Variants in CCSER1 observed in about 807,000 individuals in gnomAD.
CCSER1 encodes the protein serine-rich coiled-coil domain-containing protein 1.
In CCSER1, 41 loss-of-function variants were observed where a neutral mutation model predicts 82.0. That is an observed-to-expected ratio of 0.50 (90% CI 0.39 to 0.65). The LOEUF is 0.65. Among genes scored for constraint, CCSER1 ranks in the 30% least tolerant of loss-of-function variants. The pLI is 0.00. For missense variants in CCSER1, 1,119 were observed against 1,064.2 expected (o/e 1.05, Z -0.72); for synonymous variants, 414 against 383.9 (o/e 1.08, Z -0.92).
intron 4 of CCSER1, among the ~76,000 whole-genome samples, chr4:90,453,661 G>A (rs979702048): frequency 1.1e-4 from 16 of 152,168 alleles, no homozygotes; most frequent in Admixed American, 9.2e-4. Flanking sequence ...TCCCATGTGA[G>A]CCAAAATATC....
At chr4:90,167,815 T>C (rs1730792065) in intron 1 of CCSER1, among the ~76,000 whole-genome samples, 1 of 152,126 alleles carries the variant, frequency 6.6e-6, no homozygotes, top group Non-Finnish European at 1.5e-5. Flanking sequence ...CATCCTTTTT[T>C]ATGGCTGCAT....
chr4:91,315,414 T>C (rs1160158530), intron 10 of CCSER1, among the ~76,000 whole-genome samples: 1 of 151,986 alleles, frequency 6.6e-6, no homozygotes, highest in Non-Finnish European at 1.5e-5. Context: ...ATATTTCCAC[T>C]GCCAAACCCA....
At chr4:90,780,507 C>T (rs1753625479) in intron 7 of CCSER1, 1 of 1,610,264 alleles carries the variant, frequency 6.2e-7, no homozygotes, top group Admixed American at 1.7e-5. Flanking sequence ...TTCAGGAGGC[C>T]TAGATGATCC....
At chr4:91,316,272 A>G (rs1745830779) in intron 10 of CCSER1, among the ~76,000 whole-genome samples, 1 of 151,990 alleles carries the variant, frequency 6.6e-6, no homozygotes, top group Non-Finnish European at 1.5e-5. Context: ...TTTTAGGTTT[A>G]TGAGGGTCAT....
intron 9 of CCSER1, among the ~76,000 whole-genome samples, chr4:90,999,095 G>C (rs1737769084): frequency 6.6e-6 from 1 of 152,124 alleles, no homozygotes; most frequent in African/African-American, 2.4e-5. Flanking sequence ...GTATTCCATG[G>C]TGTATATGTA....
chr4:90,276,235 TTTCTTTCTTTCTTTCTTTCC>T (rs1727604224), intron 1 of CCSER1, among the ~76,000 whole-genome samples: 6 of 109,150 alleles, frequency 5.5e-5, no homozygotes, highest in South Asian at 3.6e-4. Context: ...TCTTTCTTTC[TTTCTTTCTTTCTTTCTTTCC>T]TTCCTTCCTT....
chr4:91,088,000 T>C (rs1042239427), intron 10 of CCSER1, among the ~76,000 whole-genome samples: 9 of 152,154 alleles, frequency 5.9e-5, no homozygotes, highest in African/African-American at 1.9e-4. Context: ...ACAATTACTA[T>C]GTTAAGGACC....
intron 10 of CCSER1, among the ~76,000 whole-genome samples, chr4:91,490,714 A>G (rs1482346173): frequency 6.7e-6 from 1 of 149,994 alleles, no homozygotes; most frequent in East Asian, 2.0e-4. Context: ...GTGTGACTAC[A>G]GTTAACAGTA....
intron 10 of CCSER1, among the ~76,000 whole-genome samples, chr4:91,095,773 C>G (rs1006922865): frequency 2.6e-5 from 4 of 152,080 alleles, no homozygotes; most frequent in African/African-American, 9.7e-5. Flanking sequence ...TTCAGCCCTT[C>G]AATTAATGCC....
chr4:91,136,588 T>A (rs1239678006), intron 10 of CCSER1, among the ~76,000 whole-genome samples: 2 of 152,132 alleles, frequency 1.3e-5, no homozygotes, highest in Non-Finnish European at 2.9e-5. Context: ...TTGGGAGAAT[T>A]CTTTGTGTTT....
intron 5 of CCSER1, among the ~76,000 whole-genome samples, chr4:90,592,619 T>C (rs1476526169): frequency 6.6e-6 from 1 of 152,150 alleles, no homozygotes; most frequent in Non-Finnish European, 1.5e-5. Context: ...ACAGCCTACT[T>C]CTTTCTCTAT....
rs1252010631 is a variant in CCSER1 at position 91,148,280 on chromosome 4, T to G, written c.2217+62286T>G. Reference sequence around the variant, plus strand: ...ATTGTTCTAAATTACTCTCTTCAATTGAGACTCATTTATTCATTGAACAAA... The same window carrying G: ...ATTGTTCTAAATTACTCTCTTCAATGGAGACTCATTTATTCATTGAACAAA... On this transcript the variant is annotated intron_variant, in intron 10 of 10. Transcript: ENST00000509176. 1.3e-5 allele frequency among the ~76,000 whole-genome samples: 2 copies of G among 152,134 alleles called. 1 individual carries two copies. The highest frequency in any genetic ancestry group is 4.1e-4 in the South Asian group (2 of 4,828).
chr4:90,210,112 C>G (rs1739676832), intron 1 of CCSER1, among the ~76,000 whole-genome samples: 4 of 152,144 alleles, frequency 2.6e-5, no homozygotes, highest in Admixed American at 1.3e-4. Flanking sequence ...TGCACTCTTT[C>G]AATGGCCCAA....
chr4:90,875,477 G>A (rs1169184833), intron 8 of CCSER1, among the ~76,000 whole-genome samples: 1 of 152,078 alleles, frequency 6.6e-6, no homozygotes, highest in Non-Finnish European at 1.5e-5. Flanking sequence ...TGATGTTGAA[G>A]TCTATTCATT....
intron 5 of CCSER1, among the ~76,000 whole-genome samples, chr4:90,527,792 A>T (rs748308027): frequency 7.3e-4 from 111 of 152,134 alleles, no homozygotes; most frequent in Non-Finnish European, 9.0e-4. Flanking sequence ...ATGAATTTTA[A>T]ATTTTGTAGC....
At chr4:90,532,784 A>G (rs187081818) in intron 5 of CCSER1, among the ~76,000 whole-genome samples, 28 of 152,240 alleles carry the variant, frequency 1.8e-4, no homozygotes, top group South Asian at 1.2e-3. Context: ...TTGTAGCTTT[A>G]TATCTCTAGA....
chr4:91,047,574 G>C (rs772173124), intron 9 of CCSER1, among the ~76,000 whole-genome samples: 2 of 152,076 alleles, frequency 1.3e-5, no homozygotes, highest in Admixed American at 1.3e-4. Context: ...GCAATTCTTG[G>C]CTCTGGTTTT....
At chr4:91,019,713 A>G (rs918404989) in intron 9 of CCSER1, among the ~76,000 whole-genome samples, 23 of 152,194 alleles carry the variant, frequency 1.5e-4, no homozygotes, top group African/African-American at 5.3e-4. Context: ...GGCATATTAC[A>G]TGGACTTTAG....
chr4:90,409,928 G>A (rs1472066098), intron 4 of CCSER1, among the ~76,000 whole-genome samples: 1 of 152,108 alleles, frequency 6.6e-6, no homozygotes, highest in Non-Finnish European at 1.5e-5. Context: ...ATAAAGGGAT[G>A]GAGGAAGATC....
Sources: gnomAD v4.1 joint callset for allele counts (sites outside exome capture counted in the v4.1 genomes callset) on GRCh38, gnomAD v4.1.1 for gene constraint, MANE v1.5 for transcripts, NCBI Gene and HGNC (gene_info 2026-07-23, HGNC 2026-07-21) for gene names.